ZNF487: variants seen among roughly 807,000 people sequenced by gnomAD.
The protein encoded by ZNF487 is zinc finger protein 487, also known as KRAB domain only 1.
ZNF487 carries 4 observed loss-of-function variants against 3.0 expected under a neutral mutation model. The observed-to-expected ratio is 1.35, with a 90% CI of 0.66 to 3.08. The LOEUF (loss-of-function observed/expected upper bound fraction) is 3.08. Among genes scored for constraint, ZNF487 ranks in the 30% most tolerant of loss-of-function variants. ZNF487 has a pLI of 0.01. For synonymous variants in ZNF487, 55 were observed against 34.6 expected (o/e 1.59, Z -2.06); for missense variants, 146 against 98.7 (o/e 1.48, Z -2.03).
intron 1 of ZNF487, among the ~76,000 whole-genome samples, chr10:43,464,992 CGG>C (rs1840615057): frequency 6.8e-6 from 1 of 147,070 alleles, no homozygotes; most frequent in South Asian, 2.2e-4. Flanking sequence ...GCTGGCTGGG[CGG>C]GGGCTGACCC....
At chr10:43,490,134 G>A in the ZNF487 span, among the ~76,000 whole-genome samples, 1 of 152,188 alleles carries the variant, frequency 6.6e-6, no homozygotes, top group African/African-American at 2.4e-5. Flanking sequence ...TGGATCGCCT[G>A]AGGTCAGGAG....
chr10:43,497,424 A>G, the ZNF487 span, among the ~76,000 whole-genome samples: 1 of 152,186 alleles, frequency 6.6e-6, no homozygotes, highest in Non-Finnish European at 1.5e-5. Flanking sequence ...TGAGCAAAGA[A>G]GTGACAGGAT....
At chr10:43,484,903 G>C (rs967291276), downstream of ZNF487, among the ~76,000 whole-genome samples, 1 of 152,034 alleles carries the variant, frequency 6.6e-6, no homozygotes, top group East Asian at 1.9e-4. Flanking sequence ...ATTTTTTTGT[G>C]TCTTAGCGAC....
intron 3 of ZNF487, among the ~76,000 whole-genome samples, chr10:43,480,396 G>A (rs148121965): frequency 2.7e-5 from 4 of 150,936 alleles, no homozygotes; most frequent in East Asian, 3.9e-4. Flanking sequence ...GTGAGCCACC[G>A]CACCTGGCCA....
At chr10:43,478,316 A>G (rs1841178064) in intron 3 of ZNF487, among the ~76,000 whole-genome samples, 3 of 152,194 alleles carry the variant, frequency 2.0e-5, no homozygotes, top group Non-Finnish European at 4.4e-5. Flanking sequence ...GCACTTTGGA[A>G]GGCCAAGGCG....
chr10:43,481,610 A>G lies in ZNF487; in HGVS notation c.312A>G (p.Ser104=). ...GAAAAATACGTGGCAACTGTGACTCATCTGGAATGAATTTGAATAATATTT... is the reference window on the plus strand; with the variant it reads ...GAAAAATACGTGGCAACTGTGACTCGTCTGGAATGAATTTGAATAATATTT... The part of the protein sequence containing the change: ...LSRKIRGNCD[S]SGMNLNNISE... Residue 104 remains serine, a synonymous_variant, in exon 4 of 4, where the codon TCA becomes TCG. Transcript: ENST00000437590. 1.4e-6 allele frequency: 1 copy of G among 691,204 alleles called. No individual in the cohort carries two copies. Among genetic ancestry groups the G allele is most frequent in the Non-Finnish European group, 2.7e-6 (1 of 375,610 alleles). 42.8% of individuals were successfully genotyped at this position (691,204 alleles called of 1,614,324 possible).
the ZNF487 span, among the ~76,000 whole-genome samples, chr10:43,495,787 G>A: frequency 6.6e-6 from 1 of 152,192 alleles, no homozygotes; most frequent in East Asian, 1.9e-4. Flanking sequence ...CCAGCACATT[G>A]GGGAACTTTA....
chr10:43,511,559 C>T, the ZNF487 span, among the ~76,000 whole-genome samples: 3 of 152,244 alleles, frequency 2.0e-5, no homozygotes, highest in African/African-American at 4.8e-5. Flanking sequence ...GCTGATCACC[C>T]GAGGAATGGT....
the ZNF487 span, among the ~76,000 whole-genome samples, chr10:43,510,988 C>A: frequency 6.6e-6 from 1 of 152,156 alleles, no homozygotes; most frequent in African/African-American, 2.4e-5. Context: ...TCTAGGCCAG[C>A]AGAACGTAAT....
At position 43,457,729 on chromosome 10, in the gene ZNF487, G is replaced by GT. The variant is rs757328855; in HGVS notation, c.-93-17990dup. On this transcript the variant is annotated intron_variant, in intron 1 of 3. Transcript: ENST00000437590. ...AAAAATTCCTCATGAGACATTAAGA[G>GT]TTACAGCTCTTTGCCGGGCAGGGTG... 3.8e-3 allele frequency among the ~76,000 whole-genome samples: 561 copies of GT among 146,248 alleles called. 14 individuals are homozygous for GT. The highest frequency in any genetic ancestry group is 2.0e-3 in the Non-Finnish European group (130 of 66,506).
At chr10:43,498,099 A>ATATATATATATATATAT in the ZNF487 span, among the ~76,000 whole-genome samples, 2 of 20,184 alleles carry the variant, frequency 9.9e-5, no homozygotes, top group Non-Finnish European at 7.3e-5. Flanking sequence ...ATATATATAT[A>ATATATATATATATATAT]TTTTTTTTTT....
chr10:43,446,230 C>T (rs995543386), intron 1 of ZNF487, among the ~76,000 whole-genome samples: 3 of 152,154 alleles, frequency 2.0e-5, no homozygotes, highest in African/African-American at 7.2e-5. Flanking sequence ...GGCAGAGGGG[C>T]TCCTCACTTC....
At chr10:43,485,539 A>T (rs1011176737), downstream of ZNF487, among the ~76,000 whole-genome samples, 3 of 152,202 alleles carry the variant, frequency 2.0e-5, no homozygotes, top group African/African-American at 7.2e-5. Context: ...TAACTTAGAA[A>T]TTCAACCTCT....
intron 3 of ZNF487, among the ~76,000 whole-genome samples, chr10:43,476,605 T>C (rs1361415580): frequency 1.4e-4 from 22 of 152,200 alleles, no homozygotes; most frequent in African/African-American, 2.4e-5. Flanking sequence ...GGCTGTGTTA[T>C]GTTGGTAGAA....
At chr10:43,521,944 C>G in the ZNF487 span, among the ~76,000 whole-genome samples, 65 of 151,778 alleles carry the variant, frequency 4.3e-4, 1 homozygote, top group Non-Finnish European at 1.8e-4. Flanking sequence ...AGGTACAAGA[C>G]TGTTTATGAA....
the ZNF487 span, among the ~76,000 whole-genome samples, chr10:43,519,893 T>A: frequency 6.6e-6 from 1 of 152,234 alleles, no homozygotes; most frequent in African/African-American, 2.4e-5. Flanking sequence ...TTCAAACATG[T>A]AGTGCTCCTT....
At chr10:43,478,570 A>T (rs12240980) in intron 3 of ZNF487, among the ~76,000 whole-genome samples, 1 of 152,112 alleles carries the variant, frequency 6.6e-6, no homozygotes, top group African/African-American at 2.4e-5. Flanking sequence ...AAATAAAAAA[A>T]AAATTAGCCA....
the ZNF487 span, among the ~76,000 whole-genome samples, chr10:43,522,291 C>T: frequency 6.6e-6 from 1 of 151,806 alleles, no homozygotes; most frequent in African/African-American, 2.4e-5. Flanking sequence ...CTGAAGTGGG[C>T]AGATCACTTG....
chr10:43,479,971 T>TCTCTTTC, intron 3 of ZNF487, among the ~76,000 whole-genome samples: 1 of 125,228 alleles, frequency 8.0e-6, no homozygotes, highest in East Asian at 2.4e-4. Context: ...TCTTTCTTTC[T>TCTCTTTC]TTTCTTTCTT....
Sources: allele counts gnomAD v4.1 joint callset (sites outside exome capture counted in the v4.1 genomes callset), GRCh38; gene constraint gnomAD v4.1.1; transcripts MANE v1.5; gene names NCBI Gene and HGNC (gene_info 2026-07-23, HGNC 2026-07-21).